Variants in LIPC observed in about 807,000 individuals in gnomAD.
The protein encoded by LIPC is hepatic triacylglycerol lipase.
A neutral mutation model predicts 50.7 loss-of-function variants in LIPC; 44 were observed. That is an observed-to-expected ratio of 0.87 (90% CI 0.68 to 1.11). The LOEUF (loss-of-function observed/expected upper bound fraction) is 1.11. Among genes scored for constraint, LIPC ranks in the 50% most tolerant of loss-of-function variants. The pLI is 0.00. For synonymous variants in LIPC, 271 were observed against 256.4 expected (o/e 1.06, Z -0.54); for missense variants, 697 against 648.2 (o/e 1.08, Z -0.82).
Position 58,541,984 on chromosome 15 carries a change from T to TCCTTCCTTCACCTCCCTTCCCTCCTTTC in LIPC, c.456+25_456+52dup. On this transcript the variant is annotated intron_variant, in intron 3 of 8. Transcript: ENST00000299022. ...TGGCTGGAGGTACCGACCTGCCCCATCCTTCCTTCACCTCCCTTCCCTCCT... is the reference window on the plus strand; with the variant it reads ...TGGCTGGAGGTACCGACCTGCCCCATCCTTCCTTCACCTCCCTTCCCTCCTTTCCCTTCCTTCACCTCCCTTCCCTCCT... 1.2e-6 allele frequency: 2 copies of TCCTTCCTTCACCTCCCTTCCCTCCTTTC among 1,600,922 alleles called. No homozygotes were observed. Among genetic ancestry groups the TCCTTCCTTCACCTCCCTTCCCTCCTTTC allele is most frequent in the East Asian group, 4.5e-5 (2 of 44,150 alleles).
chr15:58,532,843 GA>G (rs1252811736), intron 1 of LIPC, among the ~76,000 whole-genome samples: 2 of 152,200 alleles, frequency 1.3e-5, no homozygotes, highest in African/African-American at 4.8e-5. Context: ...CTTCTTGTAT[GA>G]AATATCAGGA....
intron 1 of LIPC, chr15:58,436,620 C>T (rs1197470723): frequency 1.2e-5 from 5 of 404,920 alleles, no homozygotes; most frequent in South Asian, 5.3e-5. Flanking sequence ...TAAAATGATC[C>T]GTTCTGTGTG....
chr15:58,536,287 G>A (rs1270234871), intron 1 of LIPC, among the ~76,000 whole-genome samples: 1 of 152,180 alleles, frequency 6.6e-6, no homozygotes, highest in African/African-American at 2.4e-5. Flanking sequence ...TTGGTAGCAG[G>A]AGAACGAAAA....
At chr15:58,493,723 T>C (rs1284155819) in intron 1 of LIPC, among the ~76,000 whole-genome samples, 11 of 148,508 alleles carry the variant, frequency 7.4e-5, no homozygotes, top group Admixed American at 2.7e-4. Flanking sequence ...TATTTGTATA[T>C]GTGAAATATT....
chr15:58,541,996 C>G, intron 3 of LIPC, 29 bp downstream of exon 3: 4 of 1,588,466 alleles, frequency 2.5e-6, no homozygotes, highest in Non-Finnish European at 3.4e-6. Context: ...CTTCCTTCAC[C>G]TCCCTTCCCT....
intron 1 of LIPC, chr15:58,533,027 C>G (rs1893004103): frequency 3.3e-6 from 1 of 301,230 alleles, no homozygotes; most frequent in African/African-American, 2.3e-5. Context: ...CCTAGTCCAT[C>G]AACCCCTTTT....
At chr15:58,444,261 T>A (rs1893608442) in intron 1 of LIPC, among the ~76,000 whole-genome samples, 1 of 152,198 alleles carries the variant, frequency 6.6e-6, no homozygotes, top group Admixed American at 6.5e-5. Flanking sequence ...CAGGAAGAAC[T>A]GCAAGAAGGC....
At chr15:58,437,176 A>T (rs1353370902) in intron 1 of LIPC, among the ~76,000 whole-genome samples, 2 of 152,132 alleles carry the variant, frequency 1.3e-5, no homozygotes, top group South Asian at 2.1e-4. Flanking sequence ...AACACCAGGG[A>T]TCTTAGCACA....
At chr15:58,452,373 C>T (rs1248142156) in intron 1 of LIPC, among the ~76,000 whole-genome samples, 1 of 152,168 alleles carries the variant, frequency 6.6e-6, no homozygotes, top group South Asian at 2.1e-4. Flanking sequence ...TTCAAAGGGA[C>T]CACCTACTAT....
intron 4 of LIPC, among the ~76,000 whole-genome samples, chr15:58,542,882 A>C (rs1442010731): frequency 6.6e-6 from 1 of 152,238 alleles, no homozygotes; most frequent in Non-Finnish European, 1.5e-5. Context: ...CCCTCAAACG[A>C]ATACCTCATG....
chr15:58,436,669 A>C (rs1893308529), intron 1 of LIPC: 1 of 454,742 alleles, frequency 2.2e-6, no homozygotes, highest in Non-Finnish European at 4.4e-6. Context: ...ACATATGTAA[A>C]TGTTATCAGC....
At chr15:58,468,963 G>C (rs1894677331) in intron 1 of LIPC, among the ~76,000 whole-genome samples, 1 of 152,176 alleles carries the variant, frequency 6.6e-6, no homozygotes, top group Non-Finnish European at 1.5e-5. Context: ...TGAAGTATTT[G>C]CTTAATGTAC....
intron 1 of LIPC, among the ~76,000 whole-genome samples, chr15:58,443,848 C>T (rs181212496): frequency 2.4e-4 from 36 of 152,114 alleles, no homozygotes; most frequent in African/African-American, 6.7e-4. Context: ...CAATGTTTTG[C>T]GGGCAGGGGG....
intron 8 of LIPC, among the ~76,000 whole-genome samples, chr15:58,567,396 C>G (rs1486791772): frequency 1.4e-5 from 2 of 144,712 alleles, no homozygotes; most frequent in African/African-American, 5.1e-5. Context: ...AGACAGAGTC[C>G]TTGGTCTCAT....
intron 1 of LIPC, among the ~76,000 whole-genome samples, chr15:58,517,785 A>G (rs778558349): frequency 8.5e-5 from 13 of 152,242 alleles, no homozygotes; most frequent in Non-Finnish European, 1.8e-4. Flanking sequence ...TAAGCATTTC[A>G]AAGAGATTCC....
At chr15:58,460,167 C>A (rs901988915) in intron 1 of LIPC, among the ~76,000 whole-genome samples, 1 of 152,236 alleles carries the variant, frequency 6.6e-6, no homozygotes, top group Admixed American at 6.5e-5. Context: ...AACCCTTCCA[C>A]TCTCAGGGCC....
At chr15:58,536,257 A>C (rs1173451117) in intron 1 of LIPC, among the ~76,000 whole-genome samples, 3 of 152,168 alleles carry the variant, frequency 2.0e-5, no homozygotes, top group African/African-American at 7.2e-5. Context: ...ACCGGCATCC[A>C]AAAGGGCATT....
At chr15:58,500,129 G>A (rs1379132185) in intron 1 of LIPC, among the ~76,000 whole-genome samples, 1 of 152,104 alleles carries the variant, frequency 6.6e-6, no homozygotes, top group Admixed American at 6.5e-5. Flanking sequence ...TCCCTCAGAT[G>A]GTGAGGTTTA....
At position 58,568,912 on chromosome 15, in the gene LIPC, TAAAG is replaced by T; in HGVS notation, c.*88_*91del. The T allele has an allele frequency of 4.2e-6, 3 of 720,952 alleles. No individual in the cohort carries two copies. In the Admixed American group the frequency reaches 8.0e-5, roughly 19 times the overall value. 44.7% of individuals were successfully genotyped at this position (720,952 alleles called of 1,614,324 possible). ...GCCTTATTTAGAAGCCAAAATTACA[TAAAG>T]AATCTCACACAAAGCTTAAATAAAG... is the stretch of plus-strand genomic sequence containing the variant. On this transcript the variant is annotated 3_prime_UTR_variant, in exon 9 of 9. Coordinates refer to ENST00000299022, the MANE Select transcript of LIPC (RefSeq NM_000236.3).
Sources: gnomAD v4.1 joint callset for allele counts (sites outside exome capture counted in the v4.1 genomes callset) on GRCh38, gnomAD v4.1.1 for gene constraint, MANE v1.5 for transcripts, NCBI Gene and HGNC (gene_info 2026-07-23, HGNC 2026-07-21) for gene names.